The following PSG3 variants were observed in gnomAD, a reference collection of about 807,000 sequenced individuals.
The protein encoded by PSG3 is pregnancy specific beta-1-glycoprotein 3.
Under a neutral mutation model 47.5 loss-of-function variants are expected in PSG3, and 61 were observed. The observed-to-expected ratio is 1.28, with a 90% CI of 1.05 to 1.59. PSG3 has a LOEUF of 1.59. Among genes scored for constraint, PSG3 ranks in the 40% most tolerant of loss-of-function variants. The pLI is 0.00. For synonymous variants in PSG3, 263 were observed against 198.4 expected, an observed-to-expected ratio of 1.33 and a Z score of -2.74; for missense variants, 756 against 524.0, an observed-to-expected ratio of 1.44 and a Z score of -4.32.
At chr19:42,724,345 T>C (rs1407270868) in intron 5 of PSG3, among the ~76,000 whole-genome samples, 1 of 152,212 alleles carries the variant, frequency 6.6e-6, no homozygotes, top group Non-Finnish European at 1.5e-5. Context: ...CATGGTTGCA[T>C]CTTTTTCTCA....
chr19:42,739,767 A>G (rs1241784519), intron 1 of PSG3, among the ~76,000 whole-genome samples: 1 of 152,036 alleles, frequency 6.6e-6, no homozygotes, highest in African/African-American at 2.4e-5. Flanking sequence ...TATAGTTATT[A>G]TTATCATTTT....
Position 42,733,290 on chromosome 19 carries a change from A to C in PSG3, c.431-228T>G. 3.1e-6 allele frequency: 3 copies of C among 980,100 alleles called. No homozygotes were observed. In the South Asian group the frequency reaches 5.5e-5, roughly 18 times the overall value. 60.7% of individuals were successfully genotyped at this position (980,100 alleles called of 1,614,324 possible). A position where few individuals can be genotyped will look rare whatever the true frequency, so the allele number is the denominator to read the frequency against. ...CACAGACTTTCTTAACTGTGAATTGAGCAGCAGCATTGGGTCACGGAAAGA... is the reference window on the plus strand; with the variant it reads ...CACAGACTTTCTTAACTGTGAATTGCGCAGCAGCATTGGGTCACGGAAAGA... On this transcript the variant is annotated intron_variant, in intron 2 of 6. Coordinates refer to ENST00000327495, the MANE Select transcript of PSG3 (RefSeq NM_021016.4).
At position 42,728,318 on chromosome 19, in the gene PSG3, C is replaced by T. The variant is rs539076701; in HGVS notation, c.1243+805G>A. 4.5e-4 allele frequency among the ~76,000 whole-genome samples: 68 copies of T among 152,250 alleles called. 1 individual carries two copies. The highest frequency in any genetic ancestry group is 1.3e-3 in the African/African-American group (53 of 41,560). ...TATAATTACACACTTTTTGGCACTGCCCCTTTCCTGCCATGCAGAGCCCTA... is the reference window on the plus strand; with the variant it reads ...TATAATTACACACTTTTTGGCACTGTCCCTTTCCTGCCATGCAGAGCCCTA... On this transcript the variant is annotated intron_variant, in intron 5 of 6. Transcript: ENST00000327495.
chr19:42,738,139 C>T (rs1289764286), intron 2 of PSG3, among the ~76,000 whole-genome samples: 1 of 152,176 alleles, frequency 6.6e-6, no homozygotes, highest in Non-Finnish European at 1.5e-5. Context: ...CTCTGAGTGT[C>T]AGGTGAAGAA....
At chr19:42,731,113 A>G (rs1969466334) in intron 3 of PSG3, among the ~76,000 whole-genome samples, 1 of 152,140 alleles carries the variant, frequency 6.6e-6, no homozygotes, top group Non-Finnish European at 1.5e-5. Context: ...GAGTGGGGAG[A>G]ATCAGAAGTT....
chr19:42,736,325 C>T (rs562297155), intron 2 of PSG3, among the ~76,000 whole-genome samples: 18 of 152,204 alleles, frequency 1.2e-4, no homozygotes, highest in African/African-American at 2.2e-4. Flanking sequence ...TTCTGGCAAC[C>T]GGCTGACCTC....
chr19:42,738,472 TCTC>T (rs1202616649), intron 2 of PSG3, among the ~76,000 whole-genome samples: 12 of 152,160 alleles, frequency 7.9e-5, no homozygotes, highest in Admixed American at 7.2e-4. Context: ...CTGAGACTGA[TCTC>T]CTCCTGCTGA....
chr19:42,727,086 C>G (rs963182476), intron 5 of PSG3, among the ~76,000 whole-genome samples: 23 of 152,266 alleles, frequency 1.5e-4, no homozygotes, highest in South Asian at 4.1e-4. Context: ...AGGGCAAGAA[C>G]AGTGGAACCT....
At chr19:42,727,577 T>C (rs542286490) in intron 5 of PSG3, among the ~76,000 whole-genome samples, 1 of 152,304 alleles carries the variant, frequency 6.6e-6, no homozygotes, top group African/African-American at 2.4e-5. Flanking sequence ...TCACACACTT[T>C]AGGATGGTTT....
chr19:42,732,111 C>T (rs113035077), intron 3 of PSG3: 8,356 of 156,260 alleles, frequency 0.053, 255 homozygotes, highest in Middle Eastern at 0.11. Context: ...AGTGCCAATG[C>T]TCCAGGGATC....
intron 5 of PSG3, among the ~76,000 whole-genome samples, chr19:42,725,548 T>C (rs1181954760): frequency 1.3e-5 from 2 of 152,114 alleles, no homozygotes; most frequent in African/African-American, 4.8e-5. Flanking sequence ...GAGAAAAGTT[T>C]AAAATTCCTA....
chr19:42,726,546 CA>C (rs1217556926), intron 5 of PSG3, among the ~76,000 whole-genome samples: 1 of 151,948 alleles, frequency 6.6e-6, no homozygotes, highest in Non-Finnish European at 1.5e-5. Flanking sequence ...ATATTAACAT[CA>C]AAAAGAATAA....
chr19:42,722,984 A>G (rs1222016085), intron 6 of PSG3, among the ~76,000 whole-genome samples: 1 of 152,118 alleles, frequency 6.6e-6, no homozygotes, highest in African/African-American at 2.4e-5. Context: ...CAGTGATTCC[A>G]ATGTGTAGCT....
At chr19:42,736,902 G>A (rs1219558326) in intron 2 of PSG3, among the ~76,000 whole-genome samples, 1 of 152,172 alleles carries the variant, frequency 6.6e-6, no homozygotes, top group East Asian at 1.9e-4. Flanking sequence ...CCAGGCCACA[G>A]TGTTAGCGGG....
At chr19:42,725,462 A>C (rs138389436) in intron 5 of PSG3, among the ~76,000 whole-genome samples, 1,550 of 152,054 alleles carry the variant, frequency 0.01, 14 homozygotes, top group African/African-American at 0.026. Flanking sequence ...GAGGAAATTA[A>C]TGAAACCAAA....
chr19:42,728,492 T>G (rs1174879369), intron 5 of PSG3, among the ~76,000 whole-genome samples: 1 of 152,266 alleles, frequency 6.6e-6, no homozygotes, highest in East Asian at 1.9e-4. Context: ...TCTCTTTTTG[T>G]TTCCCTGCAG....
At chr19:42,728,767 A>G (rs1325101882) in intron 5 of PSG3, among the ~76,000 whole-genome samples, 1 of 152,220 alleles carries the variant, frequency 6.6e-6, no homozygotes, top group Non-Finnish European at 1.5e-5. Flanking sequence ...GAATAGGTAC[A>G]AGAAAACAAA....
intron 6 of PSG3, among the ~76,000 whole-genome samples, chr19:42,723,138 T>C (rs1342853183): frequency 6.6e-6 from 1 of 152,236 alleles, no homozygotes; most frequent in Non-Finnish European, 1.5e-5. Context: ...TCTGTATCTT[T>C]TTTAAACACA....
intron 3 of PSG3, among the ~76,000 whole-genome samples, chr19:42,730,991 C>A (rs926261022): frequency 2.5e-4 from 38 of 152,188 alleles, no homozygotes; most frequent in African/African-American, 8.9e-4. Flanking sequence ...CAAATATTTT[C>A]TTTCATTGGA....
Sources: allele counts gnomAD v4.1 joint callset (sites outside exome capture counted in the v4.1 genomes callset), GRCh38; gene constraint gnomAD v4.1.1; transcripts MANE v1.5; gene names NCBI Gene and HGNC (gene_info 2026-07-23, HGNC 2026-07-21).